Variants in IRF6 observed in about 807,000 individuals in gnomAD.
The protein encoded by IRF6 is Van der Woude syndrome.
Under a neutral mutation model 51.4 loss-of-function variants are expected in IRF6, and 6 were observed. The observed-to-expected ratio is 0.12, with a 90% CI of 0.06 to 0.23. IRF6 has a LOEUF of 0.23. IRF6 is among the 10% of genes least tolerant of loss of function. IRF6 has a pLI of 1.00. For synonymous variants in IRF6, 178 were observed against 215.7 expected, an observed-to-expected ratio of 0.83 and a Z score of 1.53; for missense variants, 348 against 585.2, an observed-to-expected ratio of 0.59 and a Z score of 4.18.
rs1285293102 is a variant in IRF6, at chr1:209,788,265, T to C, written c.*155A>G. ...GTCTGAAGGGTGATTTTTCCATAAATTAAATCAGCTTTAAATCTAGGCATA... is the reference window on the plus strand; with the variant it reads ...GTCTGAAGGGTGATTTTTCCATAAACTAAATCAGCTTTAAATCTAGGCATA... On this transcript the variant is annotated 3_prime_UTR_variant, in exon 9 of 9. Coordinates refer to ENST00000367021, the MANE Select transcript of IRF6 (RefSeq NM_006147.4). 7 of 633,960 alleles carry C rather than the reference T, an allele frequency of 1.1e-5. No homozygotes were observed. Among genetic ancestry groups the C allele is most frequent in the African/African-American group, 3.7e-5 (2 of 54,518 alleles). 39.3% of individuals were successfully genotyped at this position (633,960 alleles called of 1,614,324 possible).
At position 209,788,419 on chromosome 1, in the gene IRF6, A is replaced by G; in HGVS notation, c.*1T>C. 2 of 1,579,544 alleles carry G rather than the reference A, an allele frequency of 1.3e-6. No individual in the cohort carries two copies. Among genetic ancestry groups the G allele is most frequent in the Non-Finnish European group, 1.7e-6 (2 of 1,149,536 alleles). On this transcript the variant is annotated 3_prime_UTR_variant, in exon 9 of 9. Coordinates refer to ENST00000367021, the MANE Select transcript of IRF6 (RefSeq NM_006147.4). ...GAGAAGGAAGAAGATGGCATTCACAATTACTGGGGAGGCAGGGCAGGGGGC... is the reference window on the plus strand; with the variant it reads ...GAGAAGGAAGAAGATGGCATTCACAGTTACTGGGGAGGCAGGGCAGGGGGC...
rs2077845903 is a variant in IRF6 at position 209,788,236 on chromosome 1, C to T, written c.*184G>A. On this transcript the variant is annotated 3_prime_UTR_variant, in exon 9 of 9. Transcript: ENST00000367021. The stretch of plus-strand genomic sequence containing the variant: ...CATTAGGAGATTTGAAAAAGAAAAG[C>T]AAAGTCTGAAGGGTGATTTTTCCAT... 1 of 606,656 alleles carries T rather than the reference C, an allele frequency of 1.6e-6. No individual in the cohort carries two copies. The highest frequency in any genetic ancestry group is 2.9e-5 in the Admixed American group (1 of 33,966). The allele number at this position is 606,656 out of a possible 1,614,324, so 37.6% of individuals were successfully genotyped here.
At position 209,787,844 on chromosome 1, in the gene IRF6, C is replaced by T. The variant is rs2077843927; in HGVS notation, c.*576G>A. On this transcript the variant is annotated 3_prime_UTR_variant, in exon 9 of 9. Transcript: ENST00000367021. The stretch of plus-strand genomic sequence containing the variant: ...CCAGCCAGCCAGCTCCTCTCCCTCT[C>T]ACTTCCCCCATCAGGGAGCCAGCTT... 6.5e-6 allele frequency: 1 copy of T among 153,458 alleles called. No individual in the cohort carries two copies. Among genetic ancestry groups the T allele is most frequent in the Admixed American group, 6.5e-5 (1 of 15,418 alleles). The allele number at this position is 153,458 out of a possible 1,614,324, so 9.5% of individuals were successfully genotyped here.
At chr1:209,791,496 T>C (rs1468753334) in intron 6 of IRF6, among the ~76,000 whole-genome samples, 1 of 152,218 alleles carries the variant, frequency 6.6e-6, no homozygotes, top group African/African-American at 2.4e-5. Context: ...CCATATGTAG[T>C]GTGAAAGGGA....
At chr1:209,800,267 T>G (rs997979282) in intron 3 of IRF6, among the ~76,000 whole-genome samples, 1 of 152,244 alleles carries the variant, frequency 6.6e-6, no homozygotes. Context: ...CACCTACTTC[T>G]GTCTTAAGTC....
rs2077862108 is a variant in IRF6 at position 209,790,426 on chromosome 1, C to T, written c.1060+69G>A. 2.1e-5 allele frequency: 33 copies of T among 1,546,068 alleles called. No homozygotes were observed. Among genetic ancestry groups the T allele is most frequent in the Non-Finnish European group, 2.9e-5 (32 of 1,120,386 alleles). ...GCCAGGAAAGCAGGAAGGTGAAAGA[C>T]AGGGATAGTGGAAGGAATGTACTTC... On this transcript the variant is annotated intron_variant, in intron 7 of 8. Transcript: ENST00000367021. The surrounding 1 kb of genome is among the most constrained non-coding windows in gnomAD (Gnocchi z 4.8).
chr1:209,795,569 C>T (rs2077896131), intron 4 of IRF6, 151 bp from the exon 5 acceptor site: 1 of 1,216,926 alleles, frequency 8.2e-7, no homozygotes, highest in African/African-American at 1.5e-5. Flanking sequence ...GAGTGAGAAT[C>T]AAGGGAATGA....
chr1:209,802,025 C>A lies in IRF6; in HGVS notation c.-57G>T, dbSNP rs1269602223. 1 of 152,168 alleles carries A rather than the reference C, an allele frequency of 6.6e-6. No individual in the cohort carries two copies. Among genetic ancestry groups the A allele is most frequent in the Non-Finnish European group, 1.5e-5 (1 of 68,062 alleles). The allele number at this position is 152,168 out of a possible 1,614,324, so 9.4% of individuals were successfully genotyped here. On this transcript the variant is annotated 5_prime_UTR_variant, in exon 2 of 9. Transcript: ENST00000367021. Reference sequence around the variant, plus strand: ...GATCTGAAGAGTCGGCTTGTCTTTCCCTTGACCGCTCAAAGATTCTGTATG... The same window carrying A: ...GATCTGAAGAGTCGGCTTGTCTTTCACTTGACCGCTCAAAGATTCTGTATG...
chr1:209,802,661 T>C (rs151337862), intron 1 of IRF6, among the ~76,000 whole-genome samples: 3 of 152,274 alleles, frequency 2.0e-5, no homozygotes, highest in Non-Finnish European at 4.4e-5. Flanking sequence ...CTGGAACTTC[T>C]CAAGCCCCAC....
chr1:209,793,307 C>T (rs1480966528), intron 5 of IRF6: 1 of 152,090 alleles, frequency 6.6e-6, no homozygotes, highest in African/African-American at 2.4e-5. Context: ...ATTTATGTTC[C>T]CATTTTACTT....
chr1:209,797,657 C>T (rs2102544238), intron 3 of IRF6, among the ~76,000 whole-genome samples: 1 of 152,286 alleles, frequency 6.6e-6, no homozygotes, highest in East Asian at 1.9e-4. Context: ...AAGAAGTTAG[C>T]CTCCCTAATG....
chr1:209,795,537 C>G, intron 4 of IRF6, 119 bp from the exon 5 acceptor site: 1 of 1,418,784 alleles, frequency 7.0e-7, no homozygotes. Flanking sequence ...TCAGTACACA[C>G]CCTCAATGTC....
Position 209,787,058 on chromosome 1 carries a change from T to TA in IRF6, c.*1361dup, listed in dbSNP as rs199611052. Reference sequence around the variant, plus strand: ...TAGCAAGACCTCATCTCTACAAAAATAAAAAAAAAATTAGCCAAGCATCAT... The same window carrying TA: ...TAGCAAGACCTCATCTCTACAAAAATAAAAAAAAAAATTAGCCAAGCATCAT... On this transcript the variant is annotated 3_prime_UTR_variant, in exon 9 of 9. Coordinates refer to ENST00000367021, the MANE Select transcript of IRF6 (RefSeq NM_006147.4). The TA allele has an allele frequency of 1.2e-3, 185 of 149,322 alleles. 2 individuals carry two copies. Among genetic ancestry groups the TA allele is most frequent in the African/African-American group, 3.5e-3 (140 of 40,398 alleles). The allele number at this position is 149,322 out of a possible 1,614,324, so 9.2% of individuals were successfully genotyped here. A position where few individuals can be genotyped will look rare whatever the true frequency, so the allele number is the denominator to read the frequency against.
intron 6 of IRF6, among the ~76,000 whole-genome samples, chr1:209,791,503 G>C (rs1171608969): frequency 6.6e-6 from 1 of 152,160 alleles, no homozygotes; most frequent in African/African-American, 2.4e-5. Context: ...TAGTGTGAAA[G>C]GGAGACCCAA....
rs1218790306 is a variant in IRF6 at position 209,795,433 on chromosome 1, C to T, written c.380-15G>A. The T allele has an allele frequency of 4.3e-6, 7 of 1,613,748 alleles. No homozygotes were observed. The highest frequency in any genetic ancestry group is 5.9e-6 in the Non-Finnish European group (7 of 1,180,032). On this transcript the variant is annotated splice_polypyrimidine_tract_variant and intron_variant, in intron 4 of 8. Transcript: ENST00000367021. ...CCCTGTGGATCCTACCCAAGATACACAAGCTCGCAGGTGAGCCATTCAGGT... is the reference window on the plus strand; with the variant it reads ...CCCTGTGGATCCTACCCAAGATACATAAGCTCGCAGGTGAGCCATTCAGGT...
At chr1:209,801,461 C>A in intron 2 of IRF6, 45 bp from the exon 3 acceptor site, 1 of 1,477,556 alleles carries the variant, frequency 6.8e-7, no homozygotes, top group South Asian at 1.3e-5. Context: ...AAGAATTAGG[C>A]CAGCCACTGG....
intron 3 of IRF6, among the ~76,000 whole-genome samples, chr1:209,799,710 C>T (rs761259654): frequency 1.7e-4 from 26 of 152,238 alleles, no homozygotes; most frequent in Non-Finnish European, 3.5e-4. Flanking sequence ...ACTTGAACAG[C>T]AAATCCAGTT....
chr1:209,788,280 ATCTAGGCATATTTGGAGAATCACAAACT>A lies in IRF6; in HGVS notation c.*112_*139del, dbSNP rs1331235208. On this transcript the variant is annotated 3_prime_UTR_variant, in exon 9 of 9. Transcript: ENST00000367021. ...TTTCCATAAATTAAATCAGCTTTAAATCTAGGCATATTTGGAGAATCACAAACTTCTAACACTGTTAGAGAAAAGAGAG... is the reference window on the plus strand; with the variant it reads ...TTTCCATAAATTAAATCAGCTTTAAATCTAACACTGTTAGAGAAAAGAGAG... 1 of 656,856 alleles carries A rather than the reference ATCTAGGCATATTTGGAGAATCACAAACT, an allele frequency of 1.5e-6. No individual in the cohort carries two copies. The highest frequency in any genetic ancestry group is 1.8e-5 in the African/African-American group (1 of 54,834). 40.7% of individuals were successfully genotyped at this position (656,856 alleles called of 1,614,324 possible). A position where few individuals can be genotyped will look rare whatever the true frequency, so the allele number is the denominator to read the frequency against.
chr1:209,793,608 GT>G (rs2077882401), intron 5 of IRF6, among the ~76,000 whole-genome samples: 1 of 152,174 alleles, frequency 6.6e-6, no homozygotes, highest in South Asian at 2.1e-4. Flanking sequence ...ACATGTGCAG[GT>G]TTGTTATATA....
Sources: allele counts gnomAD v4.1 joint callset (sites outside exome capture counted in the v4.1 genomes callset), GRCh38; gene constraint gnomAD v4.1.1; non-coding constraint Gnocchi (gnomAD v3.1); transcripts MANE v1.5; gene names NCBI Gene and HGNC (gene_info 2026-07-23, HGNC 2026-07-21).